The following CARMIL1 variants were observed in gnomAD, a reference collection of about 807,000 sequenced individuals.
CARMIL1 encodes capping protein regulator and myosin 1 linker 1.
A neutral mutation model predicts 177.1 loss-of-function variants in CARMIL1; 90 were observed. The observed-to-expected ratio is 0.51, with a 90% CI of 0.43 to 0.61. The LOEUF (loss-of-function observed/expected upper bound fraction) is 0.61. Ranked by LOEUF, CARMIL1 falls within the 20% of genes least tolerant of loss-of-function variation. The pLI is 0.00. For synonymous variants in CARMIL1, 577 were observed against 606.2 expected (o/e 0.95, Z 0.71); for missense variants, 1,380 against 1,667.0 (o/e 0.83, Z 3.00).
At chr6:25,446,357 CT>C (rs1798236137) in intron 5 of CARMIL1, among the ~76,000 whole-genome samples, 1 of 152,244 alleles carries the variant, frequency 6.6e-6, no homozygotes, top group Non-Finnish European at 1.5e-5. Flanking sequence ...ACTATATCTT[CT>C]GGATAACTTG....
At position 25,606,135 on chromosome 6, in the gene CARMIL1, C is replaced by T; in HGVS notation, c.3709C>T (p.Pro1237Ser). 1 of 1,613,956 alleles carries T rather than the reference C, an allele frequency of 6.2e-7. No homozygotes were observed. ...GTPEKNTKAE[P>S]KAEAGSRSRS... The stretch of plus-strand genomic sequence containing the variant: ...ACCAGAAAAGAATACCAAAGCAGAA[C>T]CCAAAGCGGAAGCAGGCTCCAGGTC... Residue 1237 changes from proline (P) to serine (S), a missense_variant, in exon 35 of 37, where the codon CCC becomes TCC. By Grantham distance (74) the Pro-to-Ser change is moderately conservative (BLOSUM62 -1). Transcript: ENST00000329474.
chr6:25,515,940 G>T lies in CARMIL1; in HGVS notation c.1805+93G>T. On this transcript the variant is annotated intron_variant, in intron 21 of 36. Transcript: ENST00000329474. This position sits in a 1 kb window ranked among gnomAD's most constrained non-coding sequence, Gnocchi z 5.0. ...AGAGCTGCTGGGCCCGAGGGGACCT[G>T]GGCTTCCCATGAGGCCATCTTGAGG... 1 of 1,310,094 alleles carries T rather than the reference G, an allele frequency of 7.6e-7. No individual in the cohort carries two copies. The highest frequency in any genetic ancestry group is 2.6e-5 in the East Asian group (1 of 38,790). The allele number at this position is 1,310,094 out of a possible 1,614,324, so 81.2% of individuals were successfully genotyped here.
chr6:25,284,176 G>T (rs191647997), intron 1 of CARMIL1, among the ~76,000 whole-genome samples: 238 of 152,350 alleles, frequency 1.6e-3, no homozygotes, highest in African/African-American at 5.6e-3. Context: ...AATTCCTGTT[G>T]TGTTCTGCAT....
At chr6:25,508,206 C>T (rs1004448732) in intron 17 of CARMIL1, among the ~76,000 whole-genome samples, 8 of 152,058 alleles carry the variant, frequency 5.3e-5, no homozygotes, top group Non-Finnish European at 1.2e-4. Flanking sequence ...AGCTGGAGAG[C>T]GCCTGAGAAA....
chr6:25,451,986 G>GACCCCCCCCCCCCC, intron 8 of CARMIL1: 1 of 112,672 alleles, frequency 8.9e-6, no homozygotes. Flanking sequence ...CTAGCATCTT[G>GACCCCCCCCCCCCC]CCCCCCCCTC....
chr6:25,374,465 T>G (rs910272737), intron 2 of CARMIL1, among the ~76,000 whole-genome samples: 1 of 152,250 alleles, frequency 6.6e-6, no homozygotes, highest in African/African-American at 2.4e-5. Context: ...TCTTGGAGAA[T>G]GGTCCATGTT....
chr6:25,510,753 T>C lies in CARMIL1; in HGVS notation c.1623T>C (p.Asp541=). Reference sequence around the variant, plus strand: ...ACAACTTAGTACAGATGATTCAAGATGAAGAATCAGTGAGTATTATGTTAA... The same window carrying C: ...ACAACTTAGTACAGATGATTCAAGACGAAGAATCAGTGAGTATTATGTTAA... ...VLDNLVQMIQ[D]EESPLQSLSL... Residue 541 remains aspartate (D), a synonymous_variant, in exon 20 of 37, where the codon GAT becomes GAC. Coordinates refer to ENST00000329474, the MANE Select transcript of CARMIL1 (RefSeq NM_017640.6). The C allele has an allele frequency of 1.3e-6, 2 of 1,535,880 alleles. No individual in the cohort carries two copies.
At chr6:25,527,966 T>A (rs1807330853) in intron 23 of CARMIL1, among the ~76,000 whole-genome samples, 2 of 152,322 alleles carry the variant, frequency 1.3e-5, no homozygotes, top group South Asian at 4.1e-4. Flanking sequence ...AACAAATTTT[T>A]AAAAATAGAT....
Position 25,610,030 on chromosome 6 carries a change from A to G in CARMIL1, c.3848-20A>G. The G allele has an allele frequency of 1.2e-6, 2 of 1,608,870 alleles. No homozygotes were observed. The highest frequency in any genetic ancestry group is 1.1e-5 in the South Asian group (1 of 90,036). The stretch of plus-strand genomic sequence containing the variant: ...TCCAGTTTGTGGAACAGTTTGATTC[A>G]CGTGTTTGTGTCTCCTTAGATGACA... On this transcript the variant is annotated intron_variant, in intron 35 of 36. Transcript: ENST00000329474.
intron 2 of CARMIL1, among the ~76,000 whole-genome samples, chr6:25,402,879 G>A (rs9461159): frequency 0.098 from 14,884 of 151,970 alleles, 760 homozygotes; most frequent in Middle Eastern, 0.12. Context: ...AGAATCTCAG[G>A]TTATATATTA....
At chr6:25,417,331 A>T (rs1268570873) in intron 2 of CARMIL1, among the ~76,000 whole-genome samples, 2 of 151,974 alleles carry the variant, frequency 1.3e-5, no homozygotes, top group African/African-American at 4.8e-5. Context: ...TGATTATCTG[A>T]TGCCTGTTAT....
chr6:25,513,263 G>A (rs1460760404), intron 20 of CARMIL1, among the ~76,000 whole-genome samples: 1 of 152,114 alleles, frequency 6.6e-6, no homozygotes, highest in African/African-American at 2.4e-5. Context: ...CTTTAAAACA[G>A]TAAGTTTCCT....
rs1368393511 is a variant in CARMIL1, at chr6:25,620,515, G to T, written c.*932G>T. On this transcript the variant is annotated 3_prime_UTR_variant, in exon 37 of 37. Coordinates refer to ENST00000329474, the MANE Select transcript of CARMIL1 (RefSeq NM_017640.6). ...ATATGTATATTTATACCAATAAAAT[G>T]ATTTTACAAGTGGAATTTGGGCCTT... 6.6e-6 allele frequency: 1 copy of T among 152,180 alleles called. No individual in the cohort carries two copies. Among genetic ancestry groups the T allele is most frequent in the Non-Finnish European group, 1.5e-5 (1 of 68,026 alleles). 9.4% of individuals were successfully genotyped at this position (152,180 alleles called of 1,614,324 possible). A position where few individuals can be genotyped will look rare whatever the true frequency, so the allele number is the denominator to read the frequency against.
chr6:25,560,831 A>C (rs1178559444), intron 29 of CARMIL1, among the ~76,000 whole-genome samples: 1 of 152,216 alleles, frequency 6.6e-6, no homozygotes, highest in Non-Finnish European at 1.5e-5. Flanking sequence ...ACAGAAACAC[A>C]AATAGAAGGC....
chr6:25,519,191 G>C (rs301372), intron 22 of CARMIL1, among the ~76,000 whole-genome samples: 65,745 of 151,882 alleles, frequency 0.43, 14,628 homozygotes, highest in Middle Eastern at 0.52. Context: ...TCTAAATATG[G>C]CTGAGAAGCA....
chr6:25,420,242 A>C, intron 3 of CARMIL1, 78 bp downstream of exon 3: 3 of 1,265,192 alleles, frequency 2.4e-6, no homozygotes, highest in Non-Finnish European at 3.5e-6. Flanking sequence ...ATGCATTCTT[A>C]CATGTGTGCA....
chr6:25,581,791 C>CA (rs749190300), intron 31 of CARMIL1, among the ~76,000 whole-genome samples: 44 of 151,808 alleles, frequency 2.9e-4, no homozygotes, highest in Non-Finnish European at 3.8e-4. Context: ...AGTGTCTGGG[C>CA]AAAAAAGATA....
At chr6:25,361,731 G>A (rs557766737) in intron 2 of CARMIL1, among the ~76,000 whole-genome samples, 21 of 152,280 alleles carry the variant, frequency 1.4e-4, no homozygotes, top group Non-Finnish European at 2.6e-4. Flanking sequence ...CCTGTGGGAT[G>A]TAATAAGGGT....
At chr6:25,587,529 A>T (rs892401899) in intron 31 of CARMIL1, among the ~76,000 whole-genome samples, 51 of 151,456 alleles carry the variant, frequency 3.4e-4, no homozygotes, top group African/African-American at 1.1e-3. Flanking sequence ...ACTTAAAAAC[A>T]TTGTTGTTCA....
Sources: allele counts gnomAD v4.1 joint callset (sites outside exome capture counted in the v4.1 genomes callset), GRCh38; gene constraint gnomAD v4.1.1; non-coding constraint Gnocchi (gnomAD v3.1); transcripts MANE v1.5; gene names NCBI Gene and HGNC (gene_info 2026-07-23, HGNC 2026-07-21).